The following NRXN3 variants were observed in gnomAD, a reference collection of about 807,000 sequenced individuals.
NRXN3 encodes the protein neurexin III.
In NRXN3, 32 loss-of-function variants were observed where a neutral mutation model predicts 137.6. The observed-to-expected ratio is 0.23, with a 90% CI of 0.18 to 0.31. NRXN3 has a LOEUF of 0.31. Ranked by LOEUF, NRXN3 falls within the 10% of genes least tolerant of loss-of-function variation. The pLI is 1.00. For missense variants in NRXN3, 1,574 were observed against 2,062.5 expected (o/e 0.76, Z 4.59); for synonymous variants, 798 against 784.5 (o/e 1.02, Z -0.29).
Position 79,195,768 on chromosome 14 carries a change from C to T in NRXN3, c.3262+207627C>T, listed in dbSNP as rs566746875. ...GAATGAAGATACAATATAAGCTAAT[C>T]GATGATATCCTCCTATAAATTCCTT... is the stretch of plus-strand genomic sequence containing the variant. On this transcript the variant is annotated intron_variant, in intron 15 of 20. Transcript: ENST00000335750. Among the ~76,000 whole-genome samples, 17 of 152,258 alleles carry T rather than the reference C, an allele frequency of 1.1e-4. No homozygotes were observed. In the East Asian group the frequency reaches 1.2e-3, roughly 10 times the overall value.
chr14:78,960,977 A>T (rs1245488348), intron 11 of NRXN3, among the ~76,000 whole-genome samples: 1 of 151,282 alleles, frequency 6.6e-6, no homozygotes. Flanking sequence ...GCTAATGTAC[A>T]TTGCAAATCA....
intron 10 of NRXN3, among the ~76,000 whole-genome samples, chr14:78,873,295 C>A (rs907217314): frequency 6.6e-6 from 1 of 152,164 alleles, no homozygotes; most frequent in Admixed American, 6.5e-5. Flanking sequence ...TTTGCTACTG[C>A]GAACTATACA....
chr14:79,499,024 T>A (rs1006638434), intron 16 of NRXN3, among the ~76,000 whole-genome samples: 1 of 152,168 alleles, frequency 6.6e-6, no homozygotes, highest in Non-Finnish European at 1.5e-5. Context: ...TTTCTAGTTT[T>A]CTCTGACACT....
At chr14:78,935,110 T>C (rs1411270868) in intron 10 of NRXN3, among the ~76,000 whole-genome samples, 1 of 152,112 alleles carries the variant, frequency 6.6e-6, no homozygotes, top group Non-Finnish European at 1.5e-5. Context: ...TGCAGTGCCT[T>C]ATCAATTTCT....
At chr14:78,293,155 G>A (rs2075976094) in intron 3 of NRXN3, among the ~76,000 whole-genome samples, 1 of 150,978 alleles carries the variant, frequency 6.6e-6, no homozygotes, top group South Asian at 2.1e-4. Context: ...TCTTAATGTT[G>A]AATATGCTTG....
At chr14:79,047,593 T>A (rs1326212889) in intron 15 of NRXN3, among the ~76,000 whole-genome samples, 1 of 151,982 alleles carries the variant, frequency 6.6e-6, no homozygotes, top group Non-Finnish European at 1.5e-5. Flanking sequence ...CATATGAGGA[T>A]CTCCTGCAAA....
At chr14:78,475,073 AT>A (rs1195316826) in intron 4 of NRXN3, among the ~76,000 whole-genome samples, 6 of 152,186 alleles carry the variant, frequency 3.9e-5, no homozygotes, top group Non-Finnish European at 7.3e-5. Context: ...CTTCATATCT[AT>A]TTAATCTCCA....
rs146064176 is a variant in NRXN3 at position 79,501,879 on chromosome 14, G to A, written c.3444+34477G>A. On this transcript the variant is annotated intron_variant, in intron 16 of 20. Coordinates refer to ENST00000335750, the MANE Select transcript of NRXN3 (RefSeq NM_001330195.2). ...AAGGACAGAGGTGGGGCTTCCCCTA[G>A]TTATATTTTTATCTGATTGGGATAT... 4.6e-3 allele frequency among the ~76,000 whole-genome samples: 699 copies of A among 152,172 alleles called. 8 individuals are homozygous for A. Among genetic ancestry groups the A allele is most frequent in the African/African-American group, 0.016 (669 of 41,516 alleles).
chr14:79,670,946 A>T (rs1002765772), intron 17 of NRXN3, among the ~76,000 whole-genome samples: 1 of 152,148 alleles, frequency 6.6e-6, no homozygotes, highest in African/African-American at 2.4e-5. Flanking sequence ...ATTCCACAAT[A>T]GTAGAAACGG....
chr14:79,795,339 T>A (rs1343048290), intron 19 of NRXN3, among the ~76,000 whole-genome samples: 1 of 152,202 alleles, frequency 6.6e-6, no homozygotes, highest in East Asian at 1.9e-4. Flanking sequence ...GTTTCTGAAC[T>A]TCTCAATTTA....
chr14:79,266,041 A>G (rs888763908), intron 15 of NRXN3, among the ~76,000 whole-genome samples: 2 of 152,192 alleles, frequency 1.3e-5, no homozygotes, highest in African/African-American at 4.8e-5. Flanking sequence ...AAAGCTGTGT[A>G]GCTCTTTAGC....
intron 10 of NRXN3, among the ~76,000 whole-genome samples, chr14:78,877,309 T>C (rs755292085): frequency 6.6e-6 from 1 of 152,122 alleles, no homozygotes; most frequent in Non-Finnish European, 1.5e-5. Context: ...TGAATGAATA[T>C]TGGTTATTGA....
chr14:78,493,523 CAAAT>C (rs144261455), intron 4 of NRXN3, among the ~76,000 whole-genome samples: 57,758 of 138,956 alleles, frequency 0.42, 12,264 homozygotes, highest in East Asian at 0.49. Flanking sequence ...AACTCCATCT[CAAAT>C]AAATAAATAA....
intron 1 of NRXN3, among the ~76,000 whole-genome samples, chr14:78,188,537 G>A (rs1028043758): frequency 1.3e-5 from 2 of 152,192 alleles, no homozygotes; most frequent in African/African-American, 4.8e-5. Context: ...ATGGAAAATT[G>A]GGCAACAAGG....
At chr14:78,634,801 G>A (rs1421383006) in intron 4 of NRXN3, among the ~76,000 whole-genome samples, 2 of 152,002 alleles carry the variant, frequency 1.3e-5, no homozygotes, top group Admixed American at 6.6e-5. Context: ...TAGAGCTGTA[G>A]TATCAAATAA....
chr14:78,602,985 C>A (rs755660654), intron 4 of NRXN3, among the ~76,000 whole-genome samples: 27 of 152,134 alleles, frequency 1.8e-4, no homozygotes, highest in Non-Finnish European at 3.8e-4. Flanking sequence ...CGTGGGGAGA[C>A]ATGGCAGCAA....
intron 10 of NRXN3, among the ~76,000 whole-genome samples, chr14:78,947,830 T>C (rs1361972662): frequency 6.6e-6 from 1 of 152,210 alleles, no homozygotes; most frequent in African/African-American, 2.4e-5. Context: ...GGAAGTGATC[T>C]ATCTGTGGAG....
At chr14:79,358,607 G>GAAAGAAAGAGAAAGAA (rs10667477) in intron 15 of NRXN3, among the ~76,000 whole-genome samples, 42 of 79,978 alleles carry the variant, frequency 5.3e-4, no homozygotes, top group African/African-American at 1.2e-3. Flanking sequence ...AAGAAAGAAA[G>GAAAGAAAGAGAAAGAA]AGAAAGAAAG....
intron 15 of NRXN3, among the ~76,000 whole-genome samples, chr14:79,302,503 T>C (rs2085314814): frequency 6.6e-6 from 1 of 151,882 alleles, no homozygotes; most frequent in Non-Finnish European, 1.5e-5. Context: ...CAATCAGATC[T>C]CATGGTAACT....
Sources: allele counts gnomAD v4.1 joint callset (sites outside exome capture counted in the v4.1 genomes callset), GRCh38; gene constraint gnomAD v4.1.1; transcripts MANE v1.5; gene names NCBI Gene and HGNC (gene_info 2026-07-23, HGNC 2026-07-21).